Variants in GPALPP1 observed in about 807,000 individuals in gnomAD.
The protein encoded by GPALPP1 is GPALPP motifs-containing protein 1.
In GPALPP1, 30 loss-of-function variants were observed where a neutral mutation model predicts 38.9. The ratio of observed to expected loss-of-function variants is 0.77; its 90% CI spans 0.58 to 1.05. GPALPP1 has a LOEUF of 1.05. Ranked by LOEUF, GPALPP1 falls within the 50% of genes least tolerant of loss-of-function variation. The pLI is 0.00. For missense variants in GPALPP1, 384 were observed against 408.8 expected (o/e 0.94, Z 0.52); for synonymous variants, 120 against 139.2 (o/e 0.86, Z 0.97).
intron 1 of GPALPP1, among the ~76,000 whole-genome samples, chr13:44,994,576 G>C (rs1873109056): frequency 6.6e-6 from 1 of 152,142 alleles, no homozygotes; most frequent in African/African-American, 2.4e-5. Flanking sequence ...TGTTCCCTCA[G>C]TTTGAGTGCT....
At chr13:45,036,451 T>C (rs538343283) in exon 8 of GPALPP1, 2 of 152,348 alleles carry the variant, frequency 1.3e-5, no homozygotes, top group South Asian at 4.1e-4. Flanking sequence ...TGGTGGGCTA[T>C]AGATGATCTG....
intron 1 of GPALPP1, among the ~76,000 whole-genome samples, chr13:44,999,815 T>C (rs1260450300): frequency 2.0e-5 from 3 of 152,176 alleles, no homozygotes; most frequent in Non-Finnish European, 2.9e-5. Flanking sequence ...CTTGACCTCA[T>C]GATCCGCCTG....
intron 1 of GPALPP1, among the ~76,000 whole-genome samples, chr13:44,996,185 T>A (rs1303033879): frequency 2.6e-5 from 4 of 151,832 alleles, no homozygotes; most frequent in Admixed American, 2.0e-4. Flanking sequence ...TAAGACCTCA[T>A]CTCTACTAAA....
intron 6 of GPALPP1, among the ~76,000 whole-genome samples, chr13:45,019,450 TTGC>T (rs1381951123): frequency 1.3e-5 from 2 of 151,934 alleles, no homozygotes; most frequent in African/African-American, 4.8e-5. Flanking sequence ...GCCCGGCCTC[TTGC>T]TGCTATATTT....
chr13:45,008,819 A>G lies in GPALPP1; in HGVS notation c.348A>G (p.Pro116=). Residue 116 remains proline, a synonymous_variant, in exon 4 of 8, where the codon CCA becomes CCG. Coordinates refer to ENST00000379151, the MANE Select transcript of GPALPP1 (RefSeq NM_018559.5). ...GGCCCATAATAGGTCCTGCATTGCC[A>G]CCTGGTTTCATTAAATCTACACAGA... The part of the protein sequence containing the change: ...PPRPIIGPAL[P]PGFIKSTQKS... 1 of 1,594,190 alleles carries G rather than the reference A, an allele frequency of 6.3e-7. No individual in the cohort carries two copies. The highest frequency in any genetic ancestry group is 1.1e-5 in the South Asian group (1 of 90,672).
chr13:45,014,291 TTAATA>T (rs1025105456), intron 4 of GPALPP1, among the ~76,000 whole-genome samples: 1 of 152,184 alleles, frequency 6.6e-6, no homozygotes, highest in African/African-American at 2.4e-5. Flanking sequence ...ATAAATATGT[TTAATA>T]TAATGTCTGT....
At chr13:45,006,106 C>A in intron 2 of GPALPP1, 96 bp from the exon 3 acceptor site, 1 of 663,342 alleles carries the variant, frequency 1.5e-6, no homozygotes. Context: ...AGTGTTTATA[C>A]AACTAGATTT....
At chr13:45,009,110 G>A in intron 4 of GPALPP1, 1 of 601,886 alleles carries the variant, frequency 1.7e-6, no homozygotes, top group East Asian at 3.3e-5. Flanking sequence ...GATTGACGGG[G>A]TGTTACCTAT....
intron 1 of GPALPP1, among the ~76,000 whole-genome samples, chr13:44,993,503 G>A (rs1240087552): frequency 6.6e-6 from 1 of 152,002 alleles, no homozygotes; most frequent in African/African-American, 2.4e-5. Context: ...CAGGCGTGGT[G>A]GATTACCCAG....
intron 7 of GPALPP1, among the ~76,000 whole-genome samples, chr13:45,022,641 G>A (rs1005785728): frequency 4.6e-5 from 7 of 152,020 alleles, no homozygotes; most frequent in East Asian, 3.8e-4. Context: ...TTGATAAGTC[G>A]AGCAGTCTTT....
intron 1 of GPALPP1, 84 bp downstream of exon 1, chr13:44,989,826 C>T (rs1872648852): frequency 1.8e-6 from 2 of 1,091,690 alleles, no homozygotes; most frequent in Admixed American, 2.0e-5. Context: ...AGTCGGAGGC[C>T]TAGGAGGGCG....
chr13:45,008,904 A>G (rs760980880), intron 4 of GPALPP1, 25 bp downstream of exon 4: 9 of 1,304,976 alleles, frequency 6.9e-6, no homozygotes, highest in Non-Finnish European at 1.0e-5. Context: ...TTTCAACTCT[A>G]AGGTTTGGAA....
intron 4 of GPALPP1, among the ~76,000 whole-genome samples, chr13:45,013,399 A>T (rs1438742323): frequency 6.6e-6 from 1 of 152,228 alleles, no homozygotes; most frequent in Non-Finnish European, 1.5e-5. Context: ...TTGTAGAGAA[A>T]GGAAAATCTC....
chr13:45,010,804 C>G (rs1874416507), intron 4 of GPALPP1, among the ~76,000 whole-genome samples: 1 of 152,094 alleles, frequency 6.6e-6, no homozygotes, highest in African/African-American at 2.4e-5. Flanking sequence ...GGCAACATAG[C>G]AAAACCGCAT....
chr13:44,990,104 C>T (rs779155098), intron 1 of GPALPP1: 1 of 439,876 alleles, frequency 2.3e-6, no homozygotes, highest in African/African-American at 2.0e-5. Flanking sequence ...GTGTCTAGAT[C>T]ATACTGCTAG....
chr13:44,995,098 C>T (rs1218027206), intron 1 of GPALPP1, among the ~76,000 whole-genome samples: 3 of 151,742 alleles, frequency 2.0e-5, no homozygotes, highest in Non-Finnish European at 2.9e-5. Flanking sequence ...GTGATCCTCT[C>T]GCTTTGGCCT....
intron 4 of GPALPP1, among the ~76,000 whole-genome samples, chr13:45,012,529 AT>A (rs1408338368): frequency 6.6e-6 from 1 of 152,142 alleles, no homozygotes; most frequent in Non-Finnish European, 1.5e-5. Flanking sequence ...GGGGAAAAAA[AT>A]TTTCAAAGGA....
chr13:44,991,264 TG>T (rs1242033896), intron 1 of GPALPP1, among the ~76,000 whole-genome samples: 1 of 151,806 alleles, frequency 6.6e-6, no homozygotes, highest in African/African-American at 2.4e-5. Context: ...CTGGCCAACA[TG>T]GTGAAACCCT....
chr13:45,009,318 T>C (rs934243643), intron 4 of GPALPP1, among the ~76,000 whole-genome samples: 1 of 152,174 alleles, frequency 6.6e-6, no homozygotes, highest in Non-Finnish European at 1.5e-5. Context: ...GGTGGATAAG[T>C]GATTTTAGGA....
Sources: allele counts gnomAD v4.1 joint callset (sites outside exome capture counted in the v4.1 genomes callset), GRCh38; gene constraint gnomAD v4.1.1; transcripts MANE v1.5; gene names NCBI Gene and HGNC (gene_info 2026-07-23, HGNC 2026-07-21).